COL24A1: variants seen among roughly 807,000 people sequenced by gnomAD.
The protein encoded by COL24A1 is collagen type XXIV alpha 1 chain, also known as collagen alpha-1(XXIV) chain.
In COL24A1, 224 loss-of-function variants were observed where a neutral mutation model predicts 253.9. The observed-to-expected ratio is 0.88, with a 90% CI of 0.79 to 0.99. COL24A1 has a LOEUF of 0.99. Among genes scored for constraint, COL24A1 ranks in the 50% least tolerant of loss-of-function variants. The pLI, the probability that COL24A1 is intolerant of heterozygous loss-of-function variation, is 0.00. For synonymous variants in COL24A1, 685 were observed against 673.7 expected (o/e 1.02, Z -0.26); for missense variants, 2,131 against 2,068.5 (o/e 1.03, Z -0.59).
chr1:86,126,336 T>G, intron 2 of COL24A1, 122 bp from the exon 3 acceptor site: 1 of 832,384 alleles, frequency 1.2e-6, no homozygotes, highest in Non-Finnish European at 1.8e-6. Flanking sequence ...AATAAGCATG[T>G]TCTATCAATA....
chr1:85,932,290 A>C (rs1431903150), intron 24 of COL24A1, among the ~76,000 whole-genome samples: 1 of 70,742 alleles, frequency 1.4e-5, no homozygotes, highest in African/African-American at 5.2e-5. Flanking sequence ...ATGAACAGAC[A>C]CTTCTCAAAA....
intron 7 of COL24A1, among the ~76,000 whole-genome samples, chr1:86,075,871 CTAGA>C (rs1702209919): frequency 6.6e-6 from 1 of 152,038 alleles, no homozygotes; most frequent in Admixed American, 6.6e-5. Flanking sequence ...TCTCAGTCAA[CTAGA>C]TATTGATGGA....
chr1:86,056,731 G>A (rs1700689759), intron 10 of COL24A1, among the ~76,000 whole-genome samples: 1 of 151,754 alleles, frequency 6.6e-6, no homozygotes, highest in Admixed American at 6.6e-5. Context: ...GCACGTGCCT[G>A]TAGTCCCAGC....
intron 23 of COL24A1, among the ~76,000 whole-genome samples, chr1:85,962,277 A>G (rs1337804438): frequency 1.3e-5 from 2 of 152,134 alleles, no homozygotes. Context: ...CTCTGAAACA[A>G]AATTTTGCAA....
chr1:86,068,847 G>C (rs1701670349), intron 7 of COL24A1, among the ~76,000 whole-genome samples: 1 of 152,080 alleles, frequency 6.6e-6, no homozygotes, highest in Admixed American at 6.5e-5. Context: ...CTAGCTCTGG[G>C]ATAACATTTC....
intron 43 of COL24A1, among the ~76,000 whole-genome samples, chr1:85,829,239 T>C (rs1186053591): frequency 2.6e-5 from 4 of 151,952 alleles, no homozygotes; most frequent in Non-Finnish European, 4.4e-5. Context: ...TTTAAGAATG[T>C]TGATATTGGC....
At chr1:85,774,795 A>C (rs187528417) in intron 53 of COL24A1, among the ~76,000 whole-genome samples, 1 of 151,900 alleles carries the variant, frequency 6.6e-6, no homozygotes, top group Non-Finnish European at 1.5e-5. Context: ...GCGGTCTATC[A>C]ATTTTGTTGA....
intron 7 of COL24A1, among the ~76,000 whole-genome samples, chr1:86,080,803 A>G (rs1702581684): frequency 6.6e-6 from 1 of 152,134 alleles, no homozygotes; most frequent in Admixed American, 6.5e-5. Flanking sequence ...AACTACTCCC[A>G]GTAATTAAGA....
intron 43 of COL24A1, among the ~76,000 whole-genome samples, chr1:85,830,475 G>T (rs182853949): frequency 1.8e-3 from 278 of 152,270 alleles, no homozygotes; most frequent in Non-Finnish European, 3.4e-3. Flanking sequence ...CGGCTGCTTT[G>T]TTTACCTAAG....
intron 20 of COL24A1, among the ~76,000 whole-genome samples, chr1:85,977,733 T>G (rs1267603495): frequency 6.6e-6 from 1 of 152,184 alleles, no homozygotes; most frequent in East Asian, 1.9e-4. Flanking sequence ...AGGATGGTGT[T>G]AAATGGCCAA....
intron 18 of COL24A1, among the ~76,000 whole-genome samples, chr1:86,020,709 C>T (rs1369508589): frequency 6.6e-6 from 1 of 152,036 alleles, no homozygotes; most frequent in Non-Finnish European, 1.5e-5. Context: ...AAAAATGTCA[C>T]ATTATTTAAA....
chr1:85,923,222 GA>G (rs1188700336), intron 24 of COL24A1, among the ~76,000 whole-genome samples: 1 of 152,096 alleles, frequency 6.6e-6, no homozygotes, highest in Non-Finnish European at 1.5e-5. Context: ...ATAATAATGG[GA>G]AACTTTAACA....
chr1:85,925,173 G>A (rs1272590294), intron 24 of COL24A1, among the ~76,000 whole-genome samples: 1 of 152,042 alleles, frequency 6.6e-6, no homozygotes, highest in Admixed American at 6.6e-5. Context: ...AAATAAAAGA[G>A]GACACAAACA....
At chr1:85,790,946 A>G (rs1460914855) in intron 47 of COL24A1, among the ~76,000 whole-genome samples, 1 of 152,198 alleles carries the variant, frequency 6.6e-6, no homozygotes, top group Admixed American at 6.5e-5. Context: ...ATTTCTTCAC[A>G]ACAAAATGAA....
intron 10 of COL24A1, among the ~76,000 whole-genome samples, chr1:86,053,052 T>C (rs1188531170): frequency 2.6e-5 from 4 of 152,122 alleles, no homozygotes; most frequent in Admixed American, 2.6e-4. Flanking sequence ...ATTTTCTTAC[T>C]TGAAAGCCAA....
intron 5 of COL24A1, among the ~76,000 whole-genome samples, chr1:86,097,849 C>A (rs61802177): frequency 0.28 from 42,313 of 151,742 alleles, 7,103 homozygotes; most frequent in Non-Finnish European, 0.36. Flanking sequence ...TATGGCATGT[C>A]CCCTGAACTC....
At chr1:85,964,747 A>G (rs1362834518) in intron 23 of COL24A1, among the ~76,000 whole-genome samples, 2 of 152,156 alleles carry the variant, frequency 1.3e-5, no homozygotes, top group East Asian at 3.8e-4. Flanking sequence ...GTAAGCATGT[A>G]TAATGCAAAT....
At chr1:85,786,136 G>T (rs567722157) in intron 48 of COL24A1, among the ~76,000 whole-genome samples, 2 of 152,162 alleles carry the variant, frequency 1.3e-5, no homozygotes, top group Non-Finnish European at 2.9e-5. Flanking sequence ...CACTAGTCCT[G>T]GGTCAAAGAG....
chr1:86,033,872 G>T lies in COL24A1; in HGVS notation c.2002C>A (p.Pro668Thr), dbSNP rs1327354271. The T allele has an allele frequency of 6.2e-7, 1 of 1,603,766 alleles. No individual in the cohort carries two copies. Among genetic ancestry groups the T allele is most frequent in the African/African-American group, 1.3e-5 (1 of 74,410 alleles). Residue 668 changes from proline to threonine, a missense_variant and splice_region_variant, in exon 13 of 60, where the codon CCT (proline) becomes ACT (threonine). Transcript: ENST00000370571. ...CTGAACCAACATAATGTACTCACAG[G>T]ACTGCCATCAAGACCAGCAGGGCCT... ...DRGPAGLDGS[P>T]GLVGGTGPPG...
Sources: allele counts gnomAD v4.1 joint callset (sites outside exome capture counted in the v4.1 genomes callset), GRCh38; gene constraint gnomAD v4.1.1; transcripts MANE v1.5; gene names NCBI Gene and HGNC (gene_info 2026-07-23, HGNC 2026-07-21).